CYTIP: variants seen among roughly 807,000 people sequenced by gnomAD.
CYTIP encodes cytohesin-interacting protein.
In CYTIP, 26 loss-of-function variants were observed where a neutral mutation model predicts 43.8. That is an observed-to-expected ratio of 0.59 (90% CI 0.44 to 0.82). The LOEUF (loss-of-function observed/expected upper bound fraction) is 0.82, where lower values mean the gene tolerates loss of function less well. Among genes scored for constraint, CYTIP ranks in the 40% least tolerant of loss-of-function variants. The probability of loss-of-function intolerance (pLI) is 0.00; values close to 1 mark genes in which losing one functional copy is unlikely to be tolerated. For synonymous variants in CYTIP, 162 were observed against 162.9 expected (o/e 0.99, Z 0.04); for missense variants, 426 against 443.1 (o/e 0.96, Z 0.35).
intron 1 of CYTIP, 64 bp from the exon 2 acceptor site, chr2:157,434,811 A>G: frequency 1.6e-6 from 1 of 639,634 alleles, no homozygotes; most frequent in Non-Finnish European, 2.4e-6. Context: ...AAATGTTCTA[A>G]ATCTCTCTCT....
intron 1 of CYTIP, among the ~76,000 whole-genome samples, chr2:157,435,327 AC>A (rs1442359750): frequency 6.6e-6 from 1 of 152,216 alleles, no homozygotes; most frequent in African/African-American, 2.4e-5. Context: ...TCTCTAAACA[AC>A]CAACTCACAC....
chr2:157,443,886 T>C lies in CYTIP; in HGVS notation c.135A>G (p.Leu45=). Residue 45 remains leucine, a synonymous_variant, in exon 1 of 8, where the codon CTA becomes CTG. Transcript: ENST00000264192. ...GAGGCAGAGTAGCCACCGTGTCTGC[T>C]AGCATTTGAATCCTTCTATTATCGT... ...TMDDNRRIQM[L]ADTVATLPRG... is the part of the protein sequence containing the mutation. 6.2e-7 allele frequency: 1 copy of C among 1,614,154 alleles called. No individual in the cohort carries two copies.
At chr2:157,419,439 C>A (rs1030887181) in intron 6 of CYTIP, among the ~76,000 whole-genome samples, 3 of 152,196 alleles carry the variant, frequency 2.0e-5, no homozygotes, top group Non-Finnish European at 4.4e-5. Context: ...GAGCTGAGAC[C>A]CACAGTGGGA....
At chr2:157,420,801 C>G (rs1311479385) in intron 6 of CYTIP, among the ~76,000 whole-genome samples, 1 of 152,012 alleles carries the variant, frequency 6.6e-6, no homozygotes, top group African/African-American at 2.4e-5. Context: ...CAACCTCTTT[C>G]ATCTTTCTTA....
At chr2:157,441,362 C>T (rs1372246955) in intron 1 of CYTIP, among the ~76,000 whole-genome samples, 1 of 152,142 alleles carries the variant, frequency 6.6e-6, no homozygotes, top group Non-Finnish European at 1.5e-5. Flanking sequence ...CATCAAGTCT[C>T]ATTGATGATA....
At chr2:157,441,336 T>C (rs941741828) in intron 1 of CYTIP, among the ~76,000 whole-genome samples, 1 of 152,208 alleles carries the variant, frequency 6.6e-6, no homozygotes, top group African/African-American at 2.4e-5. Flanking sequence ...GATTGTGAAA[T>C]GTTGGGATAA....
intron 7 of CYTIP, among the ~76,000 whole-genome samples, chr2:157,418,206 T>C (rs1033809637): frequency 6.6e-6 from 1 of 152,330 alleles, no homozygotes; most frequent in African/African-American, 2.4e-5. Flanking sequence ...AGAAATGTAA[T>C]TCATTCACTG....
rs764199968 is a variant in CYTIP at position 157,415,935 on chromosome 2, G to A, written c.822C>T (p.Phe274=). 6 of 1,614,090 alleles carry A rather than the reference G, an allele frequency of 3.7e-6. No individual in the cohort carries two copies. In the Admixed American group the frequency reaches 8.3e-5, roughly 22 times the overall value. The change falls in exon 8 of 8, where the codon TTC becomes TTT. Residue 274 remains phenylalanine, a synonymous_variant. Transcript: ENST00000264192. The part of the protein sequence containing the change: ...CVSEDSSRGA[F]SRQTSTDDEC... ...CATCATCTGTACTCGTCTGCCGACTGAAGGCACCCCTGCTGGAGTCCTCAG... is the reference window on the plus strand; with the variant it reads ...CATCATCTGTACTCGTCTGCCGACTAAAGGCACCCCTGCTGGAGTCCTCAG...
Position 157,429,011 on chromosome 2 carries a change from C to T in CYTIP, c.476+1548G>A, listed in dbSNP as rs1685656476. On this transcript the variant is annotated intron_variant, in intron 5 of 7. Coordinates refer to ENST00000264192, the MANE Select transcript of CYTIP (RefSeq NM_004288.5). ...TACCAGTTATGTGACCTTAACTAAG[C>T]CCCCTCTAAGCTTCAGGCACTTCAT... Among the ~76,000 whole-genome samples the T allele has an allele frequency of 5.3e-5, 8 of 152,278 alleles. No homozygotes were observed. In the South Asian group the frequency reaches 1.5e-3, roughly 28 times the overall value.
At chr2:157,420,664 A>G (rs1480050655) in intron 6 of CYTIP, among the ~76,000 whole-genome samples, 1 of 150,784 alleles carries the variant, frequency 6.6e-6, no homozygotes, top group Admixed American at 6.6e-5. Flanking sequence ...AAAAAAAAAA[A>G]AAAAAAAAAA....
At chr2:157,426,146 T>A (rs1233845516) in intron 6 of CYTIP, among the ~76,000 whole-genome samples, 1 of 151,712 alleles carries the variant, frequency 6.6e-6, no homozygotes, top group Non-Finnish European at 1.5e-5. Flanking sequence ...GCAAGAACAA[T>A]GAGGAAGTAA....
At chr2:157,436,615 T>G (rs978705962) in intron 1 of CYTIP, among the ~76,000 whole-genome samples, 3 of 151,992 alleles carry the variant, frequency 2.0e-5, no homozygotes, top group Non-Finnish European at 4.4e-5. Flanking sequence ...ATGTATATAT[T>G]TATATGAAAT....
At chr2:157,442,168 T>TA (rs1413598113) in intron 1 of CYTIP, among the ~76,000 whole-genome samples, 1 of 152,222 alleles carries the variant, frequency 6.6e-6, no homozygotes, top group African/African-American at 2.4e-5. Context: ...GAATATCTAT[T>TA]TCCAAGGCTA....
At chr2:157,428,302 A>G (rs779473944) in intron 5 of CYTIP, among the ~76,000 whole-genome samples, 1 of 152,232 alleles carries the variant, frequency 6.6e-6, no homozygotes, top group African/African-American at 2.4e-5. Flanking sequence ...CTCTCTATAA[A>G]GATGCAAGGA....
At chr2:157,427,200 G>A in intron 6 of CYTIP, 151 bp downstream of exon 6, 6 of 631,352 alleles carry the variant, frequency 9.5e-6, no homozygotes, top group Non-Finnish European at 1.6e-5. Context: ...TTCCTCCAAA[G>A]GTAATTGTGC....
intron 1 of CYTIP, among the ~76,000 whole-genome samples, chr2:157,442,169 T>A (rs567963802): frequency 6.6e-6 from 1 of 152,352 alleles, no homozygotes; most frequent in African/African-American, 2.4e-5. Context: ...AATATCTATT[T>A]CCAAGGCTAT....
At chr2:157,416,799 C>T (rs1279674212) in intron 7 of CYTIP, among the ~76,000 whole-genome samples, 1 of 152,148 alleles carries the variant, frequency 6.6e-6, no homozygotes, top group African/African-American at 2.4e-5. Flanking sequence ...TCATCCTTGT[C>T]CTCAAGTAAG....
chr2:157,425,774 T>A (rs1414208555), intron 6 of CYTIP, among the ~76,000 whole-genome samples: 1 of 152,132 alleles, frequency 6.6e-6, no homozygotes, highest in East Asian at 1.9e-4. Flanking sequence ...TATCTTTCTT[T>A]TGCAAAAACA....
At chr2:157,426,574 C>G (rs1234471416) in intron 6 of CYTIP, among the ~76,000 whole-genome samples, 3 of 152,092 alleles carry the variant, frequency 2.0e-5, no homozygotes, top group Admixed American at 1.3e-4. Context: ...CTAAATAAAG[C>G]CAAAGTAAGC....
Sources: gnomAD v4.1 joint callset for allele counts (sites outside exome capture counted in the v4.1 genomes callset) on GRCh38, gnomAD v4.1.1 for gene constraint, MANE v1.5 for transcripts, NCBI Gene and HGNC (gene_info 2026-07-23, HGNC 2026-07-21) for gene names.